KIRREL3: variants seen among roughly 807,000 people sequenced by gnomAD.
KIRREL3 encodes the protein kin of IRRE-like protein 3.
KIRREL3 carries 36 observed loss-of-function variants against 89.7 expected under a neutral mutation model. The ratio of observed to expected loss-of-function variants is 0.40; its 90% CI spans 0.31 to 0.53. KIRREL3 has a LOEUF of 0.53. KIRREL3 is among the 20% of genes least tolerant of loss of function. KIRREL3 has a pLI of 0.49. For synonymous variants in KIRREL3, 445 were observed against 441.4 expected (o/e 1.01, Z -0.10); for missense variants, 864 against 1,056.6 (o/e 0.82, Z 2.53).
Position 126,689,145 on chromosome 11 carries a change from G to A in KIRREL3, c.56-126233C>T, listed in dbSNP as rs1199379871. On this transcript the variant is annotated intron_variant, in intron 1 of 16. Coordinates refer to ENST00000525144, the MANE Select transcript of KIRREL3 (RefSeq NM_032531.4). The surrounding 1 kb of genome is among the most constrained non-coding windows in gnomAD (Gnocchi z 5.2). ...TTGCCAGGTGATAAACTGGCCCACT[G>A]TGATCTTGCAGGAAACATCAACAGT... 6.6e-6 allele frequency among the ~76,000 whole-genome samples: 1 copy of A among 151,942 alleles called. No homozygotes were observed. The highest frequency in any genetic ancestry group is 1.5e-5 in the Non-Finnish European group (1 of 68,002).
intron 5 of KIRREL3, among the ~76,000 whole-genome samples, chr11:126,467,444 A>C (rs572707223): frequency 6.6e-6 from 1 of 152,286 alleles, no homozygotes; most frequent in Non-Finnish European, 1.5e-5. Context: ...GTGGAGAGCC[A>C]GGCTGAGCTC....
chr11:126,956,238 C>T (rs749099212), intron 1 of KIRREL3, among the ~76,000 whole-genome samples: 1 of 152,246 alleles, frequency 6.6e-6, no homozygotes, highest in African/African-American at 2.4e-5. Flanking sequence ...GAACACGATG[C>T]TTCCTCCCCT....
intron 1 of KIRREL3, among the ~76,000 whole-genome samples, chr11:126,662,123 C>A (rs1242022132): frequency 6.6e-6 from 1 of 152,132 alleles, no homozygotes; most frequent in Non-Finnish European, 1.5e-5. Flanking sequence ...CTCAGTCTAC[C>A]TCATGAAAAG....
intron 1 of KIRREL3, among the ~76,000 whole-genome samples, chr11:126,695,771 G>A (rs1164225412): frequency 2.6e-5 from 4 of 152,184 alleles, no homozygotes; most frequent in African/African-American, 9.7e-5. Context: ...GGCAGGGAGA[G>A]GGAGTTTGAT....
intron 1 of KIRREL3, among the ~76,000 whole-genome samples, chr11:126,667,772 A>G (rs1945728241): frequency 6.6e-6 from 1 of 152,166 alleles, no homozygotes; most frequent in South Asian, 2.1e-4. Context: ...TTTAAGAACA[A>G]AAAAGGCCAG....
chr11:126,851,462 A>G (rs1235008031), intron 1 of KIRREL3, among the ~76,000 whole-genome samples: 1 of 152,202 alleles, frequency 6.6e-6, no homozygotes, highest in Non-Finnish European at 1.5e-5. Context: ...CATGTAAATG[A>G]AAGGATGTGA....
chr11:126,429,093 G>A lies in KIRREL3; in HGVS notation c.1806+86C>T, dbSNP rs1955038491. ...TTGAACGCTGCTCTGCTTTTTGGAA[G>A]CATCTAGTTCATTGAGAAGCCTCTA... On this transcript the variant is annotated intron_variant, in intron 15 of 16. Coordinates refer to ENST00000525144, the MANE Select transcript of KIRREL3 (RefSeq NM_032531.4). This position sits in a 1 kb window ranked among gnomAD's most constrained non-coding sequence, Gnocchi z 5.2. 1 of 826,776 alleles carries A rather than the reference G, an allele frequency of 1.2e-6. No homozygotes were observed. The allele number at this position is 826,776 out of a possible 1,614,324, so 51.2% of individuals were successfully genotyped here.
intron 1 of KIRREL3, among the ~76,000 whole-genome samples, chr11:126,688,564 C>T (rs1747660619): frequency 6.6e-6 from 1 of 152,116 alleles, no homozygotes; most frequent in African/African-American, 2.4e-5. Context: ...GAGAGTTAGC[C>T]TCAGCTTTCT....
In KIRREL3 at chr11:126,960,970, T is replaced by C. The variant is rs560600698; in HGVS notation, c.55+39485A>G. Among the ~76,000 whole-genome samples the C allele has an allele frequency of 1.3e-3, 202 of 152,316 alleles. 1 individual carries two copies. The highest frequency in any genetic ancestry group is 4.7e-3 in the African/African-American group (197 of 41,578). ...TATTATGGTGATCTGTGATCAGTGA[T>C]CTTTGATGTTAATATTGTAATTGTT... On this transcript the variant is annotated intron_variant, in intron 1 of 16. Coordinates refer to ENST00000525144, the MANE Select transcript of KIRREL3 (RefSeq NM_032531.4).
chr11:126,878,292 T>C (rs1592268713), intron 1 of KIRREL3, among the ~76,000 whole-genome samples: 1 of 152,280 alleles, frequency 6.6e-6, no homozygotes, highest in East Asian at 1.9e-4. Context: ...TAGTGTGTAG[T>C]GAGAACAGTT....
Position 126,870,757 on chromosome 11 carries a change from A to C in KIRREL3, c.55+129698T>G, listed in dbSNP as rs1945080747. The stretch of plus-strand genomic sequence containing the variant: ...AGGCATACCCAGCTCCTGCCATTAC[A>C]GAGGAGGACAGCTACCCAGAGCACA... On this transcript the variant is annotated intron_variant, in intron 1 of 16. Transcript: ENST00000525144. The surrounding 1 kb of genome is among the most constrained non-coding windows in gnomAD (Gnocchi z 4.4). Among the ~76,000 whole-genome samples the C allele has an allele frequency of 6.6e-6, 1 of 152,226 alleles. No homozygotes were observed. The highest frequency in any genetic ancestry group is 6.5e-5 in the Admixed American group (1 of 15,290).
rs148309404 is a variant in KIRREL3 at position 126,688,448 on chromosome 11, A to G, written c.56-125536T>C. Among the ~76,000 whole-genome samples, 257 of 152,286 alleles carry G rather than the reference A, an allele frequency of 1.7e-3. 1 individual carries two copies. The highest frequency in any genetic ancestry group is 5.9e-3 in the African/African-American group (247 of 41,562). On this transcript the variant is annotated intron_variant, in intron 1 of 16. Coordinates refer to ENST00000525144, the MANE Select transcript of KIRREL3 (RefSeq NM_032531.4). ...AACTTCTCAAATATTTGAAGCTAACAATGTTTTGGTTGCCTATTTCTTTTT... is the reference window on the plus strand; with the variant it reads ...AACTTCTCAAATATTTGAAGCTAACGATGTTTTGGTTGCCTATTTCTTTTT...
rs999367620 is a variant in KIRREL3 at position 126,565,731 on chromosome 11, G to C, written c.56-2819C>G. On this transcript the variant is annotated intron_variant, in intron 1 of 16. Coordinates refer to ENST00000525144, the MANE Select transcript of KIRREL3 (RefSeq NM_032531.4). The surrounding 1 kb of genome is among the most constrained non-coding windows in gnomAD (Gnocchi z 5.4). The stretch of plus-strand genomic sequence containing the variant: ...AAATTAAAGGTCATTGGGTTCACAT[G>C]AGTGTGCCAGCAGGGAGTGAAGTGG... 1.3e-5 allele frequency among the ~76,000 whole-genome samples: 2 copies of C among 152,136 alleles called. No individual in the cohort carries two copies. Among genetic ancestry groups the C allele is most frequent in the African/African-American group, 4.8e-5 (2 of 41,422 alleles).
intron 1 of KIRREL3, among the ~76,000 whole-genome samples, chr11:126,959,274 A>C (rs917723002): frequency 6.6e-6 from 1 of 152,280 alleles, no homozygotes; most frequent in Middle Eastern, 3.4e-3. Context: ...TTTCTCATCT[A>C]TCTGTGTATC....
At chr11:126,856,206 C>T (rs907628605) in intron 1 of KIRREL3, among the ~76,000 whole-genome samples, 1 of 152,066 alleles carries the variant, frequency 6.6e-6, no homozygotes, top group African/African-American at 2.4e-5. Context: ...AATTAAGCCA[C>T]AGTATCCACC....
intron 1 of KIRREL3, among the ~76,000 whole-genome samples, chr11:126,597,477 T>C (rs1942453040): frequency 6.6e-6 from 1 of 152,224 alleles, no homozygotes; most frequent in African/African-American, 2.4e-5. Flanking sequence ...GTCAAAGTTC[T>C]GAGATGGGAG....
chr11:126,582,899 A>G lies in KIRREL3; in HGVS notation c.56-19987T>C, dbSNP rs530425922. Among the ~76,000 whole-genome samples the G allele has an allele frequency of 5.3e-5, 8 of 152,352 alleles. No individual in the cohort carries two copies. In the East Asian group the frequency reaches 1.3e-3, roughly 26 times the overall value. On this transcript the variant is annotated intron_variant, in intron 1 of 16. Coordinates refer to ENST00000525144, the MANE Select transcript of KIRREL3 (RefSeq NM_032531.4). ...TAATTATCTGAGGTACTGAAGAAGT[A>G]TTATCCTTAATATTGGTATGAGGGC...
rs112411034 is a variant in KIRREL3 at position 126,430,218 on chromosome 11, G to A, written c.1697-930C>T. ...CCAGCACATTGGGAGGCCGAGGAAG[G>A]CGGACCACTTGAGGCCAGGAGTTCG... is the stretch of plus-strand genomic sequence containing the variant. On this transcript the variant is annotated intron_variant, in intron 14 of 16. Coordinates refer to ENST00000525144, the MANE Select transcript of KIRREL3 (RefSeq NM_032531.4). The surrounding 1 kb of genome is among the most constrained non-coding windows in gnomAD (Gnocchi z 6.6). 9.1e-3 allele frequency among the ~76,000 whole-genome samples: 1,383 copies of A among 152,250 alleles called. 30 individuals carry two copies. The highest frequency in any genetic ancestry group is 0.057 in the Admixed American group (867 of 15,296).
chr11:126,913,840 C>T (rs969044779), intron 1 of KIRREL3, among the ~76,000 whole-genome samples: 4 of 152,060 alleles, frequency 2.6e-5, no homozygotes, highest in East Asian at 1.9e-4. Flanking sequence ...GTCTGGGGAC[C>T]GCATAGCAGA....
Sources: allele counts gnomAD v4.1 joint callset (sites outside exome capture counted in the v4.1 genomes callset), GRCh38; gene constraint gnomAD v4.1.1; non-coding constraint Gnocchi (gnomAD v3.1); transcripts MANE v1.5; gene names NCBI Gene and HGNC (gene_info 2026-07-23, HGNC 2026-07-21).